MCTP2: variants seen among roughly 807,000 people sequenced by gnomAD.
The protein encoded by MCTP2 is multiple C2 and transmembrane domain containing 2, also known as multiple C2 and transmembrane domain-containing protein 2.
MCTP2 carries 132 observed loss-of-function variants against 111.6 expected under a neutral mutation model. The observed-to-expected ratio is 1.18, with a 90% CI of 1.03 to 1.37. MCTP2 has a LOEUF of 1.37. MCTP2 is among the 40% of genes most tolerant of loss of function. The pLI is 0.00. For missense variants in MCTP2, 1,183 were observed against 1,067.9 expected (o/e 1.11, Z -1.50); for synonymous variants, 395 against 387.7 (o/e 1.02, Z -0.22).
At chr15:94,395,232 T>C (rs893389273) in intron 14 of MCTP2, among the ~76,000 whole-genome samples, 1 of 152,242 alleles carries the variant, frequency 6.6e-6, no homozygotes, top group Non-Finnish European at 1.5e-5. Context: ...TAATATGTCA[T>C]GGTATTGTCA....
chr15:94,345,303 GA>G, intron 8 of MCTP2, 139 bp downstream of exon 8: 1 of 859,788 alleles, frequency 1.2e-6, no homozygotes, highest in Non-Finnish European at 1.8e-6. Flanking sequence ...TTACGAATAA[GA>G]AAACAACCTT....
rs568407966 is a variant in MCTP2 at position 94,446,745 on chromosome 15, C to T, written c.2250+3785C>T. 7.9e-5 allele frequency among the ~76,000 whole-genome samples: 12 copies of T among 152,280 alleles called. No homozygotes were observed. The South Asian group carries it at 2.5e-3, about 32-fold the overall frequency. On this transcript the variant is annotated intron_variant, in intron 19 of 22. Coordinates refer to ENST00000357742, the MANE Select transcript of MCTP2 (RefSeq NM_001385001.1). ...TTAATGCTATCAAAAAGAAACTGTGCTCCAAGGCTTGCATTGTGGGTTGGT... is the reference window on the plus strand; with the variant it reads ...TTAATGCTATCAAAAAGAAACTGTGTTCCAAGGCTTGCATTGTGGGTTGGT...
At chr15:94,450,739 G>A (rs16949151) in intron 19 of MCTP2, among the ~76,000 whole-genome samples, 2,474 of 152,198 alleles carry the variant, frequency 0.016, 29 homozygotes, top group Middle Eastern at 0.031. Context: ...TGAGAATTCT[G>A]TTCATCCTGT....
At chr15:94,249,880 A>G (rs1466763077) in intron 1 of MCTP2, among the ~76,000 whole-genome samples, 1 of 152,078 alleles carries the variant, frequency 6.6e-6, no homozygotes, top group Non-Finnish European at 1.5e-5. Flanking sequence ...ACTGTTTTTG[A>G]TTAAACTTTT....
chr15:94,314,267 T>G lies in MCTP2; in HGVS notation c.466-15T>G. 6.3e-7 allele frequency: 1 copy of G among 1,596,352 alleles called. No homozygotes were observed. The highest frequency in any genetic ancestry group is 8.5e-7 in the Non-Finnish European group (1 of 1,170,388). On this transcript the variant is annotated splice_polypyrimidine_tract_variant and intron_variant, in intron 2 of 22. Transcript: ENST00000357742. Reference sequence around the variant, plus strand: ...TGCTTTTGTAAAGCAGATTTTTTTTTCTTTTTCTTTGCAGAAGCTATGTGG... The same window carrying G: ...TGCTTTTGTAAAGCAGATTTTTTTTGCTTTTTCTTTGCAGAAGCTATGTGG...
chr15:94,357,937 T>C (rs1369492601), intron 9 of MCTP2, among the ~76,000 whole-genome samples: 1 of 152,254 alleles, frequency 6.6e-6, no homozygotes, highest in Non-Finnish European at 1.5e-5. Flanking sequence ...CAGTGGAATT[T>C]CCTAGTCTTT....
chr15:94,410,665 T>C (rs150832511), intron 17 of MCTP2, among the ~76,000 whole-genome samples: 128 of 152,348 alleles, frequency 8.4e-4, no homozygotes, highest in African/African-American at 2.9e-3. Context: ...TTTAGTATAT[T>C]GCAAGCTGCA....
At chr15:94,244,337 CACGTAT>C (rs2071538221) in intron 1 of MCTP2, among the ~76,000 whole-genome samples, 1 of 147,538 alleles carries the variant, frequency 6.8e-6, no homozygotes, top group Admixed American at 6.7e-5. Context: ...TGTATATATA[CACGTAT>C]ACGTATACAC....
intron 20 of MCTP2, among the ~76,000 whole-genome samples, chr15:94,467,648 T>C (rs377635456): frequency 5.9e-5 from 9 of 152,180 alleles, no homozygotes; most frequent in East Asian, 3.8e-4. Flanking sequence ...ACATTTATTT[T>C]ACTGAGTTTA....
At chr15:94,281,662 T>G (rs1181156614) in intron 1 of MCTP2, among the ~76,000 whole-genome samples, 1 of 152,220 alleles carries the variant, frequency 6.6e-6, no homozygotes, top group African/African-American at 2.4e-5. Flanking sequence ...CAGTGTGCTA[T>G]GTACTTCAGT....
At chr15:94,298,845 TTCCCCC>T (rs1567355668) in intron 2 of MCTP2, 115 bp downstream of exon 2, 4 of 341,572 alleles carry the variant, frequency 1.2e-5, no homozygotes, top group Middle Eastern at 7.4e-4. Context: ...TCCCTCTCTC[TTCCCCC>T]CTCCCCCTCC....
intron 9 of MCTP2, 85 bp from the exon 10 acceptor site, chr15:94,358,397 A>G: frequency 7.9e-7 from 1 of 1,263,332 alleles, no homozygotes; most frequent in Non-Finnish European, 1.1e-6. Flanking sequence ...GACCCTCTGC[A>G]GTTTAATGAT....
chr15:94,283,056 C>T (rs2074569779), intron 1 of MCTP2, among the ~76,000 whole-genome samples: 1 of 151,788 alleles, frequency 6.6e-6, no homozygotes, highest in South Asian at 2.1e-4. Context: ...GGTGGGTGCA[C>T]CAGGCAGAAG....
At chr15:94,471,854 GTAC>G (rs1315229699) in intron 21 of MCTP2, among the ~76,000 whole-genome samples, 5 of 151,592 alleles carry the variant, frequency 3.3e-5, no homozygotes, top group Admixed American at 1.3e-4. Context: ...GTTTTCGTGC[GTAC>G]TACTATCTTG....
chr15:94,453,331 C>T (rs1375442645), intron 19 of MCTP2, among the ~76,000 whole-genome samples: 1 of 152,180 alleles, frequency 6.6e-6, no homozygotes. Flanking sequence ...TAACATCCAG[C>T]TTTAAAGGAA....
chr15:94,323,732 C>T (rs1327897802), intron 4 of MCTP2, among the ~76,000 whole-genome samples: 1 of 152,170 alleles, frequency 6.6e-6, no homozygotes, highest in Non-Finnish European at 1.5e-5. Flanking sequence ...GCATTGAGCT[C>T]ACCTTCGTTA....
chr15:94,405,904 A>G (rs1010431817), intron 17 of MCTP2, among the ~76,000 whole-genome samples: 3 of 152,170 alleles, frequency 2.0e-5, no homozygotes, highest in African/African-American at 7.2e-5. Context: ...TTCTTCCTTC[A>G]GAAAGTAACA....
At chr15:94,393,915 T>C (rs1238961771) in intron 14 of MCTP2, among the ~76,000 whole-genome samples, 1 of 151,372 alleles carries the variant, frequency 6.6e-6, no homozygotes, top group East Asian at 1.9e-4. Context: ...CTGGGCGTGG[T>C]GGCGTGCTTC....
At chr15:94,477,510 G>T (rs1253065826) in intron 22 of MCTP2, among the ~76,000 whole-genome samples, 1 of 152,180 alleles carries the variant, frequency 6.6e-6, no homozygotes, top group African/African-American at 2.4e-5. Context: ...GAGGGCAGGC[G>T]GCAGTTTCTC....
Sources: allele counts gnomAD v4.1 joint callset (sites outside exome capture counted in the v4.1 genomes callset), GRCh38; gene constraint gnomAD v4.1.1; transcripts MANE v1.5; gene names NCBI Gene and HGNC (gene_info 2026-07-23, HGNC 2026-07-21).